Variants in EYA2 observed in about 807,000 individuals in gnomAD.
EYA2 encodes the protein protein phosphatase EYA2.
EYA2 carries 31 observed loss-of-function variants against 69.2 expected under a neutral mutation model. The ratio of observed to expected loss-of-function variants is 0.45; its 90% CI spans 0.34 to 0.60. EYA2 has a LOEUF of 0.60. Ranked by LOEUF, EYA2 falls within the 20% of genes least tolerant of loss-of-function variation. EYA2 has a pLI of 0.02. For synonymous variants in EYA2, 257 were observed against 279.4 expected (o/e 0.92, Z 0.80); for missense variants, 622 against 701.2 (o/e 0.89, Z 1.28).
At chr20:47,071,143 G>T (rs2146471249) in intron 5 of EYA2, among the ~76,000 whole-genome samples, 1 of 152,232 alleles carries the variant, frequency 6.6e-6, no homozygotes, top group South Asian at 2.1e-4. Context: ...CCTAGTAGCT[G>T]GGATTACAGG....
intron 1 of EYA2, among the ~76,000 whole-genome samples, chr20:46,945,317 G>C (rs1409511886): frequency 6.6e-6 from 1 of 152,152 alleles, no homozygotes; most frequent in African/African-American, 2.4e-5. Flanking sequence ...GCTGTTTTAA[G>C]AGTTCGCCAC....
chr20:47,154,281 C>G (rs2033878231), intron 10 of EYA2, among the ~76,000 whole-genome samples: 1 of 152,034 alleles, frequency 6.6e-6, no homozygotes, highest in Non-Finnish European at 1.5e-5. Context: ...GGACACCAAT[C>G]CCATTGGGTT....
At chr20:47,042,052 C>G (rs889000738) in intron 5 of EYA2, among the ~76,000 whole-genome samples, 6 of 152,054 alleles carry the variant, frequency 3.9e-5, no homozygotes, top group Non-Finnish European at 8.8e-5. Context: ...GCCAAGTATC[C>G]AAATCTGAAG....
intron 5 of EYA2, among the ~76,000 whole-genome samples, chr20:47,054,804 C>T (rs1217216384): frequency 6.6e-6 from 1 of 152,214 alleles, no homozygotes; most frequent in African/African-American, 2.4e-5. Context: ...TACCTATGAA[C>T]TTTTGATTCA....
intron 1 of EYA2, among the ~76,000 whole-genome samples, chr20:46,913,411 C>G (rs943538909): frequency 1.3e-5 from 2 of 152,052 alleles, no homozygotes; most frequent in African/African-American, 2.4e-5. Context: ...TGTTTGAGGC[C>G]AGGGTCAGAT....
chr20:47,143,372 T>C (rs2146599718), intron 10 of EYA2, among the ~76,000 whole-genome samples: 1 of 152,348 alleles, frequency 6.6e-6, no homozygotes, highest in Middle Eastern at 3.4e-3. Context: ...CTAGCTTTCC[T>C]GTGCAGTTAA....
chr20:47,134,007 C>T (rs201687684), intron 9 of EYA2, among the ~76,000 whole-genome samples: 2 of 152,344 alleles, frequency 1.3e-5, no homozygotes, highest in East Asian at 1.9e-4. Context: ...CAGGAACTGG[C>T]CAAGGGCCAG....
intron 4 of EYA2, among the ~76,000 whole-genome samples, chr20:47,013,126 A>G (rs1307396395): frequency 6.6e-6 from 1 of 152,176 alleles, no homozygotes; most frequent in Non-Finnish European, 1.5e-5. Context: ...ATTTTTGAGC[A>G]CCTACTATGT....
chr20:47,013,850 G>T (rs1983238578), intron 4 of EYA2, among the ~76,000 whole-genome samples: 1 of 152,216 alleles, frequency 6.6e-6, no homozygotes, highest in African/African-American at 2.4e-5. Context: ...TATAAATATT[G>T]CTTGTTGCTG....
intron 10 of EYA2, among the ~76,000 whole-genome samples, chr20:47,153,758 C>T (rs2033869190): frequency 6.6e-6 from 1 of 151,932 alleles, no homozygotes; most frequent in Non-Finnish European, 1.5e-5. Context: ...GGGTGAGTGC[C>T]ATCCACTAAG....
intron 1 of EYA2, among the ~76,000 whole-genome samples, chr20:46,928,116 G>A (rs1177535396): frequency 6.6e-6 from 1 of 152,206 alleles, no homozygotes; most frequent in African/African-American, 2.4e-5. Context: ...GACATAAAGG[G>A]TAAATGTCTT....
intron 1 of EYA2, among the ~76,000 whole-genome samples, chr20:46,987,964 C>CTCTCTCTCTCTCTCTCTCTATA (rs1555809797): frequency 8.9e-5 from 1 of 11,282 alleles, no homozygotes; most frequent in African/African-American, 2.7e-4. Context: ...CTCTCTCTCT[C>CTCTCTCTCTCTCTCTCTCTATA]TATATATATA....
chr20:47,154,324 A>G (rs900572946), intron 10 of EYA2, among the ~76,000 whole-genome samples: 26 of 152,112 alleles, frequency 1.7e-4, no homozygotes, highest in African/African-American at 6.0e-4. Flanking sequence ...CTTAAACTTA[A>G]TTACTTCCTT....
intron 4 of EYA2, among the ~76,000 whole-genome samples, chr20:47,009,224 A>G (rs1982913467): frequency 6.6e-6 from 1 of 152,182 alleles, no homozygotes; most frequent in Non-Finnish European, 1.5e-5. Flanking sequence ...CAGAATGTCC[A>G]TGTCACTGAA....
intron 11 of EYA2, 113 bp downstream of exon 11, chr20:47,169,310 C>A: frequency 2.0e-6 from 2 of 990,404 alleles, no homozygotes; most frequent in Non-Finnish European, 1.6e-6. Flanking sequence ...ACAAGGAGTG[C>A]CTGCCTCCAG....
At chr20:47,120,090 C>G (rs756863841) in intron 9 of EYA2, among the ~76,000 whole-genome samples, 1 of 152,170 alleles carries the variant, frequency 6.6e-6, no homozygotes, top group Non-Finnish European at 1.5e-5. Context: ...CACCTGTAGA[C>G]CCAGCTACTC....
chr20:47,175,228 C>G (rs1414797243), intron 12 of EYA2, among the ~76,000 whole-genome samples: 1 of 152,224 alleles, frequency 6.6e-6, no homozygotes, highest in African/African-American at 2.4e-5. Flanking sequence ...GCTTCCAGCC[C>G]AGGGATCACC....
chr20:47,098,408 C>T (rs1239679608), intron 9 of EYA2, among the ~76,000 whole-genome samples: 2 of 152,242 alleles, frequency 1.3e-5, no homozygotes, highest in Non-Finnish European at 2.9e-5. Flanking sequence ...TGTAAAGTCA[C>T]CTCCCCTGAG....
chr20:47,074,833 T>C (rs1246855332), intron 7 of EYA2, among the ~76,000 whole-genome samples: 2 of 152,184 alleles, frequency 1.3e-5, no homozygotes, highest in Non-Finnish European at 2.9e-5. Flanking sequence ...TATTACCAGC[T>C]GGGCACGGTG....
Sources: gnomAD v4.1 joint callset for allele counts (sites outside exome capture counted in the v4.1 genomes callset) on GRCh38, gnomAD v4.1.1 for gene constraint, MANE v1.5 for transcripts, NCBI Gene and HGNC (gene_info 2026-07-23, HGNC 2026-07-21) for gene names.